PGM1: variants seen among roughly 807,000 people sequenced by gnomAD.
The protein encoded by PGM1 is phosphoglucomutase 1, also known as phosphoglucomutase-1.
Under a neutral mutation model 55.6 loss-of-function variants are expected in PGM1, and 52 were observed. The ratio of observed to expected loss-of-function variants is 0.94; its 90% CI spans 0.75 to 1.18. The LOEUF (loss-of-function observed/expected upper bound fraction) is 1.18, where lower values mean the gene tolerates loss of function less well. PGM1 is among the 50% of genes most tolerant of loss of function. The pLI is 0.00. For missense variants in PGM1, 724 were observed against 729.3 expected, an observed-to-expected ratio of 0.99 and a Z score of 0.08; for synonymous variants, 287 against 271.7, an observed-to-expected ratio of 1.06 and a Z score of -0.55.
intron 1 of PGM1, among the ~76,000 whole-genome samples, chr1:63,625,211 G>A (rs185066345): frequency 3.4e-4 from 52 of 152,280 alleles, no homozygotes; most frequent in African/African-American, 1.2e-3. Context: ...TGTAATTCAG[G>A]CACACCCTAC....
chr1:63,648,774 C>T (rs1649726240), intron 8 of PGM1, 122 bp downstream of exon 8: 3 of 1,021,754 alleles, frequency 2.9e-6, no homozygotes, highest in Non-Finnish European at 3.0e-6. Flanking sequence ...CAGCCTCTCT[C>T]AATTGGAGAC....
chr1:63,635,790 C>T (rs1484548579), intron 5 of PGM1, among the ~76,000 whole-genome samples: 1 of 152,122 alleles, frequency 6.6e-6, no homozygotes, highest in Non-Finnish European at 1.5e-5. Context: ...GTTTTTTGGC[C>T]ACCCTCCCAG....
chr1:63,653,538 CT>C (rs758052339), intron 9 of PGM1, among the ~76,000 whole-genome samples: 9 of 152,146 alleles, frequency 5.9e-5, no homozygotes, highest in Non-Finnish European at 1.0e-4. Context: ...CAAGGTTCTC[CT>C]TTTTACAGAG....
At position 63,643,105 on chromosome 1, in the gene PGM1, A is replaced by G. The variant is rs1235965678; in HGVS notation, c.1144+4305A>G. 3.9e-5 allele frequency among the ~76,000 whole-genome samples: 6 copies of G among 152,328 alleles called. No homozygotes were observed. In the East Asian group the frequency reaches 9.7e-4, roughly 25 times the overall value. Reference sequence around the variant, plus strand: ...TGGCTTTCTGCCCATTCTAATTTGCATAGCTACTGAGTACATTTCCCTGTA... The same window carrying G: ...TGGCTTTCTGCCCATTCTAATTTGCGTAGCTACTGAGTACATTTCCCTGTA... On this transcript the variant is annotated intron_variant, in intron 7 of 10. Transcript: ENST00000371084.
In PGM1 at chr1:63,636,258, C is replaced by A. The variant is rs766866414; in HGVS notation, c.898C>A (p.His300Asn). ...DGDRNMILGK[H>N]GFFVNPSDSV... The stretch of plus-strand genomic sequence containing the variant: ...GGATCGAAACATGATTCTGGGCAAG[C>A]ATGGGTTCTTTGTGAACCCTTCAGA... The change falls in exon 6 of 11, where the codon CAT (histidine) becomes AAT (asparagine). Residue 300 changes from histidine (H) to asparagine (N), a missense_variant. Physicochemically the swap from His to Asn is moderately conservative, Grantham distance 68. This residue lies in a region of PGM1 where 29 missense variants were observed against 58.7 expected (regional missense o/e 0.49). Transcript: ENST00000371084. 1.2e-6 allele frequency: 2 copies of A among 1,614,032 alleles called. No individual in the cohort carries two copies. Among genetic ancestry groups the A allele is most frequent in the South Asian group, 2.2e-5 (2 of 91,088 alleles).
At chr1:63,611,939 A>G (rs1648578009) in intron 1 of PGM1, among the ~76,000 whole-genome samples, 1 of 151,880 alleles carries the variant, frequency 6.6e-6, no homozygotes, top group African/African-American at 2.4e-5. Context: ...GGGTTGAAGT[A>G]TTTGCCCAGT....
chr1:63,641,761 TGC>T (rs1649524430), intron 7 of PGM1, among the ~76,000 whole-genome samples: 2 of 152,178 alleles, frequency 1.3e-5, no homozygotes, highest in Admixed American at 1.3e-4. Flanking sequence ...TGGCTGTATA[TGC>T]CATGAGGACA....
At chr1:63,646,877 T>C (rs1649657749) in intron 7 of PGM1, among the ~76,000 whole-genome samples, 2 of 152,232 alleles carry the variant, frequency 1.3e-5, no homozygotes, top group African/African-American at 2.4e-5. Context: ...TGTTTTTCTA[T>C]TGAAATTCTT....
chr1:63,653,341 A>C (rs1454744404), intron 9 of PGM1, among the ~76,000 whole-genome samples: 3 of 152,238 alleles, frequency 2.0e-5, no homozygotes, highest in African/African-American at 7.2e-5. Context: ...CCTAGAAAGC[A>C]AGAAATGGTC....
chr1:63,628,367 C>G (rs1234771536), intron 1 of PGM1, among the ~76,000 whole-genome samples: 1 of 152,092 alleles, frequency 6.6e-6, no homozygotes, highest in Admixed American at 6.6e-5. Context: ...ACCAGGTGCT[C>G]CTTGGGAGGT....
chr1:63,635,969 G>C (rs979950785), intron 5 of PGM1, among the ~76,000 whole-genome samples: 1 of 152,216 alleles, frequency 6.6e-6, no homozygotes, highest in African/African-American at 2.4e-5. Flanking sequence ...GGCCTCTGGA[G>C]GGAGAACAGA....
intron 1 of PGM1, among the ~76,000 whole-genome samples, chr1:63,611,306 A>G (rs558244112): frequency 2.3e-4 from 35 of 152,116 alleles, no homozygotes; most frequent in African/African-American, 8.2e-4. Flanking sequence ...TATGAAGAAG[A>G]CATTCTGTGT....
chr1:63,596,254 CTT>C (rs531673796), intron 1 of PGM1, among the ~76,000 whole-genome samples: 14,702 of 109,864 alleles, frequency 0.13, 344 homozygotes, highest in Middle Eastern at 0.18. Flanking sequence ...TTTTCTTCTT[CTT>C]TTTTTTTTTT....
chr1:63,623,890 T>C (rs1648953804), intron 1 of PGM1: 1 of 630,368 alleles, frequency 1.6e-6, no homozygotes, highest in Admixed American at 3.1e-5. Flanking sequence ...CTAAGTTTCA[T>C]TGTAACTTCA....
chr1:63,651,865 C>A lies in PGM1; in HGVS notation c.1464+13C>A. ...TTCAAGAAATCAGGTAGAAACAGAC[C>A]GGTGTGTAAGTGAGAGAGAGACCTC... On this transcript the variant is annotated intron_variant, in intron 9 of 10. Transcript: ENST00000371084. The A allele has an allele frequency of 6.2e-7, 1 of 1,610,856 alleles. No individual in the cohort carries two copies. Among genetic ancestry groups the A allele is most frequent in the African/African-American group, 1.3e-5 (1 of 74,950 alleles).
At chr1:63,627,438 CT>C (rs1156987617) in intron 1 of PGM1, among the ~76,000 whole-genome samples, 1 of 152,050 alleles carries the variant, frequency 6.6e-6, no homozygotes, top group Admixed American at 6.6e-5. Flanking sequence ...GTCCAGGCAT[CT>C]TTAAGGGAAG....
intron 2 of PGM1, 122 bp downstream of exon 2, chr1:63,629,709 T>G (rs1649142348): frequency 9.6e-7 from 1 of 1,046,330 alleles, no homozygotes; most frequent in South Asian, 1.3e-5. Flanking sequence ...GAGGTGCTCT[T>G]TGCTTCCTTT....
At chr1:63,648,024 A>G (rs1649700621) in intron 7 of PGM1, among the ~76,000 whole-genome samples, 1 of 152,172 alleles carries the variant, frequency 6.6e-6, no homozygotes, top group African/African-American at 2.4e-5. Context: ...TTCCTCCTGT[A>G]TACCCAAGTC....
At chr1:63,635,423 A>G (rs1194480984) in intron 5 of PGM1, among the ~76,000 whole-genome samples, 1 of 152,186 alleles carries the variant, frequency 6.6e-6, no homozygotes, top group Non-Finnish European at 1.5e-5. Flanking sequence ...CATGAGCTGA[A>G]TATTGAAGCT....
Sources: allele counts gnomAD v4.1 joint callset (sites outside exome capture counted in the v4.1 genomes callset), GRCh38; gene constraint gnomAD v4.1.1; regional missense constraint gnomAD v4.1.1; transcripts MANE v1.5; gene names NCBI Gene and HGNC (gene_info 2026-07-23, HGNC 2026-07-21).